ZMIZ1: variants seen among roughly 807,000 people sequenced by gnomAD.
ZMIZ1 encodes zinc finger MIZ-type containing 1.
ZMIZ1 carries 17 observed loss-of-function variants against 113.9 expected under a neutral mutation model. The ratio of observed to expected loss-of-function variants is 0.15; its 90% confidence interval spans 0.10 to 0.22. The LOEUF (loss-of-function observed/expected upper bound fraction) is 0.22. Among genes scored for constraint, ZMIZ1 ranks in the 10% least tolerant of loss-of-function variants. The pLI, the probability that ZMIZ1 is intolerant of heterozygous loss-of-function variation, is 1.00. For missense variants in ZMIZ1, 1,059 were observed against 1,477.8 expected, an observed-to-expected ratio of 0.72 and a Z score of 4.65; for synonymous variants, 607 against 603.1, an observed-to-expected ratio of 1.01 and a Z score of -0.09.
chr10:79,153,368 G>C (rs567283237), intron 3 of ZMIZ1, among the ~76,000 whole-genome samples: 21 of 152,370 alleles, frequency 1.4e-4, no homozygotes, highest in African/African-American at 5.1e-4. Context: ...CAGATAGAGA[G>C]ACAGAGATGT....
chr10:79,235,093 C>A (rs1849535421), intron 7 of ZMIZ1, among the ~76,000 whole-genome samples: 1 of 152,272 alleles, frequency 6.6e-6, no homozygotes, highest in Non-Finnish European at 1.5e-5. Flanking sequence ...CTTGCCCTGC[C>A]CTGGCGGCCA....
At chr10:79,247,626 C>A (rs757353047) in intron 7 of ZMIZ1, among the ~76,000 whole-genome samples, 4 of 152,200 alleles carry the variant, frequency 2.6e-5, no homozygotes, top group South Asian at 4.1e-4. Flanking sequence ...GCTCCCACCC[C>A]CCGTAGGGTG....
chr10:79,250,102 C>A (rs1812292992), intron 7 of ZMIZ1, among the ~76,000 whole-genome samples: 1 of 152,202 alleles, frequency 6.6e-6, no homozygotes, highest in Non-Finnish European at 1.5e-5. Flanking sequence ...CAGTAGCTGG[C>A]AGCTTTCATC....
At chr10:79,160,978 C>A (rs1264014357) in intron 3 of ZMIZ1, among the ~76,000 whole-genome samples, 1 of 152,240 alleles carries the variant, frequency 6.6e-6, no homozygotes, top group Non-Finnish European at 1.5e-5. Context: ...ATCCCAGCCT[C>A]CAGCTGAGAC....
intron 7 of ZMIZ1, among the ~76,000 whole-genome samples, chr10:79,217,283 G>A (rs910007348): frequency 6.6e-6 from 1 of 152,162 alleles, no homozygotes; most frequent in Non-Finnish European, 1.5e-5. Context: ...AAATTAGCCG[G>A]GTGTGGTGGC....
chr10:79,162,674 G>A (rs971210505), intron 4 of ZMIZ1, among the ~76,000 whole-genome samples: 1 of 152,160 alleles, frequency 6.6e-6, no homozygotes, highest in African/African-American at 2.4e-5. Flanking sequence ...ATGAGATGGC[G>A]GTGCCTGCTC....
intron 4 of ZMIZ1, among the ~76,000 whole-genome samples, chr10:79,166,002 G>GTGTGTGTGTGT (rs56386650): frequency 1.4e-3 from 19 of 13,448 alleles, no homozygotes; most frequent in East Asian, 2.5e-3. Context: ...GTGTGTGTGT[G>GTGTGTGTGTGT]GGCTCTCCCT....
intron 7 of ZMIZ1, among the ~76,000 whole-genome samples, chr10:79,257,785 C>G (rs145611584): frequency 6.6e-6 from 1 of 152,250 alleles, no homozygotes; most frequent in Admixed American, 6.5e-5. Context: ...GGTTCTATCC[C>G]TGCCACTTTA....
At chr10:79,250,989 AG>A (rs1277784614) in intron 7 of ZMIZ1, among the ~76,000 whole-genome samples, 3 of 152,278 alleles carry the variant, frequency 2.0e-5, no homozygotes, top group Admixed American at 1.3e-4. Flanking sequence ...GACCACGCGC[AG>A]GGAGAAGGCA....
At chr10:79,212,477 A>G (rs528989835) in intron 6 of ZMIZ1, among the ~76,000 whole-genome samples, 1 of 152,234 alleles carries the variant, frequency 6.6e-6, no homozygotes, top group East Asian at 1.9e-4. Context: ...AGATTAAAAA[A>G]TTTTTTGCAC....
chr10:79,261,845 T>G (rs539781802), intron 7 of ZMIZ1, among the ~76,000 whole-genome samples: 31 of 152,306 alleles, frequency 2.0e-4, no homozygotes, highest in African/African-American at 7.5e-4. Flanking sequence ...TAGGTTTGCA[T>G]GCAGGCAAAG....
chr10:79,087,003 T>C (rs1002615068), intron 1 of ZMIZ1, among the ~76,000 whole-genome samples: 4 of 152,258 alleles, frequency 2.6e-5, no homozygotes, highest in African/African-American at 9.6e-5. Context: ...TAGTAAACAC[T>C]GCTTTGGTTG....
intron 7 of ZMIZ1, among the ~76,000 whole-genome samples, chr10:79,264,214 C>T (rs1851446120): frequency 6.6e-6 from 1 of 152,156 alleles, no homozygotes; most frequent in Admixed American, 6.5e-5. Context: ...GGACTGCCTC[C>T]TCACCTCCCT....
chr10:79,219,775 G>T (rs1433008235), intron 7 of ZMIZ1, among the ~76,000 whole-genome samples: 1 of 152,200 alleles, frequency 6.6e-6, no homozygotes. Context: ...CCATTCTGCA[G>T]CTGAGAACAC....
intron 22 of ZMIZ1, among the ~76,000 whole-genome samples, chr10:79,306,655 T>C (rs1306011859): frequency 6.6e-6 from 1 of 152,174 alleles, no homozygotes; most frequent in Non-Finnish European, 1.5e-5. Context: ...CCTGCAACTT[T>C]CCTGCCCTCC....
chr10:79,250,277 C>T (rs1850467168), intron 7 of ZMIZ1, among the ~76,000 whole-genome samples: 1 of 152,254 alleles, frequency 6.6e-6, no homozygotes, highest in South Asian at 2.1e-4. Context: ...TACAGTACTC[C>T]TGCCTGTCCT....
chr10:79,297,015 A>G, intron 13 of ZMIZ1: 1 of 194,154 alleles, frequency 5.2e-6, no homozygotes, highest in Non-Finnish European at 1.0e-5. Flanking sequence ...CATGTTATAA[A>G]ATTGTTATTA....
At chr10:79,199,224 G>C (rs942663796) in intron 4 of ZMIZ1, among the ~76,000 whole-genome samples, 2 of 115,422 alleles carry the variant, frequency 1.7e-5, no homozygotes, top group African/African-American at 6.3e-5. Context: ...AAATGAAAAG[G>C]TGGCCAGGCG....
intron 1 of ZMIZ1, among the ~76,000 whole-genome samples, chr10:79,116,644 G>A (rs1243674300): frequency 1.3e-5 from 2 of 152,164 alleles, no homozygotes; most frequent in Admixed American, 1.3e-4. Context: ...ATTCAGTTGG[G>A]TGGAAAGCCA....
Sources: allele counts gnomAD v4.1 joint callset (sites outside exome capture counted in the v4.1 genomes callset), GRCh38; gene constraint gnomAD v4.1.1; transcripts MANE v1.5; gene names NCBI Gene and HGNC (gene_info 2026-07-23, HGNC 2026-07-21).